VPS53: variants seen among roughly 807,000 people sequenced by gnomAD.
The protein encoded by VPS53 is vacuolar protein sorting-associated protein 53 homolog.
In VPS53, 70 loss-of-function variants were observed where a neutral mutation model predicts 107.0. The observed-to-expected ratio is 0.65, with a 90% CI of 0.54 to 0.80. The LOEUF is 0.80. Ranked by LOEUF, VPS53 falls within the 30% of genes least tolerant of loss-of-function variation. The probability of loss-of-function intolerance (pLI) is 0.00; values close to 1 mark genes in which losing one functional copy is unlikely to be tolerated. For synonymous variants in VPS53, 409 were observed against 393.3 expected (o/e 1.04, Z -0.47); for missense variants, 917 against 1,049.4 (o/e 0.87, Z 1.74).
chr17:653,705 T>C (rs903964475), intron 6 of VPS53, among the ~76,000 whole-genome samples: 1 of 152,180 alleles, frequency 6.6e-6, no homozygotes, highest in African/African-American at 2.4e-5. Flanking sequence ...GCAGGAAGAA[T>C]GTGTGAGTGA....
chr17:615,623 G>GT, intron 11 of VPS53, among the ~76,000 whole-genome samples: 1 of 152,174 alleles, frequency 6.6e-6, no homozygotes, highest in East Asian at 1.9e-4. Context: ...GAGGAATTCA[G>GT]TAACTTTCTA....
At chr17:710,091 G>C (rs1009153635) in intron 2 of VPS53, among the ~76,000 whole-genome samples, 4 of 152,142 alleles carry the variant, frequency 2.6e-5, no homozygotes, top group Non-Finnish European at 5.9e-5. Context: ...GTTGCAGTGA[G>C]CCGAGACCGC....
At chr17:563,287 C>CTTTTTTTT (rs36076034) in intron 13 of VPS53, among the ~76,000 whole-genome samples, 9 of 103,310 alleles carry the variant, frequency 8.7e-5, no homozygotes, top group Non-Finnish European at 1.1e-4. Flanking sequence ...ACTTCATTTC[C>CTTTTTTTT]TTTTTTTTTT....
At position 643,782 on chromosome 17, in the gene VPS53, A is replaced by G. The variant is rs562422660; in HGVS notation, c.608+9509T>C. On this transcript the variant is annotated intron_variant, in intron 7 of 21. Coordinates refer to ENST00000437048, the MANE Select transcript of VPS53 (RefSeq NM_001128159.3). ...AGGACAACACTCATACTTGGAAATC[A>G]AGGACAACACTCATACTTGGCAACT... is the stretch of plus-strand genomic sequence containing the variant. 2.8e-3 allele frequency among the ~76,000 whole-genome samples: 412 copies of G among 144,990 alleles called. 2 individuals are homozygous for G. Among genetic ancestry groups the G allele is most frequent in the African/African-American group, 5.5e-3 (214 of 39,248 alleles).
intron 12 of VPS53, among the ~76,000 whole-genome samples, chr17:600,500 T>C (rs1003018756): frequency 5.3e-5 from 8 of 152,258 alleles, no homozygotes; most frequent in African/African-American, 1.7e-4. Flanking sequence ...TTTTCTTCCA[T>C]GCCAGTCAAT....
At chr17:587,735 C>A (rs1161809568) in intron 12 of VPS53, among the ~76,000 whole-genome samples, 1 of 152,110 alleles carries the variant, frequency 6.6e-6, no homozygotes, top group African/African-American at 2.4e-5. Flanking sequence ...CAAAATGACC[C>A]TGAGCCAAAC....
In VPS53 at chr17:520,716, G is replaced by T. The variant is rs749200270; in HGVS notation, c.2224-786C>A. 7.2e-5 allele frequency among the ~76,000 whole-genome samples: 11 copies of T among 152,136 alleles called. No homozygotes were observed. The highest frequency in any genetic ancestry group is 5.9e-5 in the Non-Finnish European group (4 of 68,038). ...TCTGCCGATAATTCCCAGACCACAG[G>T]CTCTCCTCCCCAGCAGTAAGCAGCA... On this transcript the variant is annotated intron_variant, in intron 20 of 21. Transcript: ENST00000437048. The surrounding 1 kb of genome is among the most constrained non-coding windows in gnomAD (Gnocchi z 4.4).
chr17:553,535 C>A, intron 15 of VPS53, 73 bp from the exon 16 acceptor site: 59 of 985,426 alleles, frequency 6.0e-5, no homozygotes, highest in Non-Finnish European at 8.9e-5. Context: ...TAATAGTTAA[C>A]ATTTACTGCG....
chr17:554,554 T>C (rs1409148023), intron 15 of VPS53, among the ~76,000 whole-genome samples: 1 of 152,138 alleles, frequency 6.6e-6, no homozygotes, highest in East Asian at 1.9e-4. Flanking sequence ...CAGGCGTGCA[T>C]CACCATGTCC....
At chr17:556,295 G>C (rs920148604) in intron 15 of VPS53, among the ~76,000 whole-genome samples, 1 of 152,010 alleles carries the variant, frequency 6.6e-6, no homozygotes, top group Non-Finnish European at 1.5e-5. Context: ...AAAAGAATCT[G>C]AGCAACAAGG....
chr17:570,372 CAAAAAAAA>C (rs57449097), intron 13 of VPS53, among the ~76,000 whole-genome samples: 1 of 90,438 alleles, frequency 1.1e-5, no homozygotes. Flanking sequence ...GACTCTGTCT[CAAAAAAAA>C]AAAAAAAAAA....
intron 13 of VPS53, among the ~76,000 whole-genome samples, chr17:575,920 T>G (rs943696971): frequency 4.0e-5 from 6 of 151,836 alleles, no homozygotes; most frequent in African/African-American, 1.2e-4. Flanking sequence ...CCCTAATGCG[T>G]TCCCAGAGAA....
chr17:647,447 C>A (rs777503322), intron 7 of VPS53, among the ~76,000 whole-genome samples: 2 of 152,176 alleles, frequency 1.3e-5, no homozygotes, highest in Non-Finnish European at 2.9e-5. Context: ...ATCTATCATG[C>A]AAATGAAGAA....
intron 17 of VPS53, among the ~76,000 whole-genome samples, chr17:544,477 TACTC>T (rs987233517): frequency 6.6e-6 from 1 of 152,176 alleles, no homozygotes; most frequent in African/African-American, 2.4e-5. Flanking sequence ...CAAAAAGACT[TACTC>T]ACTCTCTCTG....
chr17:663,684 C>T (rs958741296), intron 4 of VPS53, among the ~76,000 whole-genome samples: 1 of 152,242 alleles, frequency 6.6e-6, no homozygotes, highest in Non-Finnish European at 1.5e-5. Flanking sequence ...TGACTAAAGA[C>T]TATGAATTCC....
At chr17:618,807 A>C (rs1458606353) in intron 11 of VPS53, among the ~76,000 whole-genome samples, 2 of 147,380 alleles carry the variant, frequency 1.4e-5, no homozygotes, top group Non-Finnish European at 3.0e-5. Context: ...CAGGCCTGCT[A>C]ATATTTCCTG....
intron 4 of VPS53, chr17:675,389 G>C (rs1325872363): frequency 6.6e-6 from 1 of 152,176 alleles, no homozygotes; most frequent in African/African-American, 2.4e-5. Flanking sequence ...AGTACAACAA[G>C]GAGACAGGAG....
intron 13 of VPS53, among the ~76,000 whole-genome samples, chr17:584,883 T>C (rs979211486): frequency 6.6e-6 from 1 of 152,158 alleles, no homozygotes; most frequent in African/African-American, 2.4e-5. Flanking sequence ...TCAGAATCCA[T>C]GAGTTCATAC....
intron 18 of VPS53, among the ~76,000 whole-genome samples, chr17:535,833 C>T (rs952203760): frequency 2.0e-5 from 3 of 152,128 alleles, no homozygotes. Flanking sequence ...AAAGCTGACA[C>T]CACAAGCCGC....
Sources: allele counts gnomAD v4.1 joint callset (sites outside exome capture counted in the v4.1 genomes callset), GRCh38; gene constraint gnomAD v4.1.1; non-coding constraint Gnocchi (gnomAD v3.1); transcripts MANE v1.5; gene names NCBI Gene and HGNC (gene_info 2026-07-23, HGNC 2026-07-21).